The following LEF1 variants were observed in gnomAD, a reference collection of about 807,000 sequenced individuals.
The protein encoded by LEF1 is lymphoid enhancer-binding factor 1.
A neutral mutation model predicts 51.2 loss-of-function variants in LEF1; 14 were observed. That is an observed-to-expected ratio of 0.27 (90% CI 0.18 to 0.43). The LOEUF is 0.43. Among genes scored for constraint, LEF1 ranks in the 20% least tolerant of loss-of-function variants. LEF1 has a pLI of 1.00. For missense variants in LEF1, 386 were observed against 512.0 expected (o/e 0.75, Z 2.37); for synonymous variants, 185 against 183.2 (o/e 1.01, Z -0.08).
At chr4:108,162,210 C>A (rs1185464774) in intron 3 of LEF1, among the ~76,000 whole-genome samples, 1 of 152,134 alleles carries the variant, frequency 6.6e-6, no homozygotes, top group Non-Finnish European at 1.5e-5. Flanking sequence ...GCAACCATCA[C>A]AAGATCTCCC....
Position 108,083,327 on chromosome 4 carries a change from C to G in LEF1, c.638+29G>C, listed in dbSNP as rs766455025. 3.0e-5 allele frequency: 43 copies of G among 1,450,956 alleles called. No individual in the cohort carries two copies. In the East Asian group the frequency reaches 9.5e-4, roughly 32 times the overall value. 89.9% of individuals were successfully genotyped at this position (1,450,956 alleles called of 1,614,324 possible). On this transcript the variant is annotated intron_variant, in intron 5 of 11. Transcript: ENST00000265165. ...AGTGGAGGAACATGTGTTCAAATGC[C>G]TGGCTGAAGGGTGCAGCAAGGTTCT... is the stretch of plus-strand genomic sequence containing the variant.
At chr4:108,158,914 G>A (rs1001198714) in intron 3 of LEF1, among the ~76,000 whole-genome samples, 30 of 151,918 alleles carry the variant, frequency 2.0e-4, no homozygotes, top group Non-Finnish European at 3.7e-4. Context: ...ACCTGTATGG[G>A]AGTGGAAAAA....
chr4:108,117,778 C>T (rs373624135), intron 3 of LEF1, among the ~76,000 whole-genome samples: 7 of 152,162 alleles, frequency 4.6e-5, no homozygotes, highest in African/African-American at 1.2e-4. Flanking sequence ...ATGGGCAGCT[C>T]GCCAGCCTCT....
chr4:108,059,707 T>C (rs1253782328), intron 11 of LEF1, among the ~76,000 whole-genome samples: 1 of 151,930 alleles, frequency 6.6e-6, no homozygotes, highest in Non-Finnish European at 1.5e-5. Flanking sequence ...ACTGGTTTGT[T>C]TTTTGCGTTT....
chr4:108,058,065 G>A (rs1032150414), intron 11 of LEF1, among the ~76,000 whole-genome samples: 6 of 151,638 alleles, frequency 4.0e-5, no homozygotes, highest in South Asian at 2.1e-4. Context: ...AGTTAGAGAC[G>A]GGGTTTCACT....
chr4:108,135,942 A>G (rs1351906461), intron 3 of LEF1, among the ~76,000 whole-genome samples: 1 of 152,172 alleles, frequency 6.6e-6, no homozygotes, highest in East Asian at 1.9e-4. Flanking sequence ...AAACAGTATG[A>G]CTTCTTCCTT....
chr4:108,116,647 G>A (rs149836990), intron 3 of LEF1, among the ~76,000 whole-genome samples: 37 of 152,280 alleles, frequency 2.4e-4, no homozygotes, highest in Non-Finnish European at 5.0e-4. Flanking sequence ...TTTGCCCTGA[G>A]GGCTGTCAAG....
intron 8 of LEF1, among the ~76,000 whole-genome samples, chr4:108,077,302 G>C (rs56006176): frequency 2.0e-5 from 3 of 151,888 alleles, no homozygotes; most frequent in Admixed American, 6.6e-5. Context: ...AACTGACTGG[G>C]AAGTGAGGAA....
At chr4:108,107,812 T>A (rs1323492569) in intron 3 of LEF1, among the ~76,000 whole-genome samples, 1 of 151,850 alleles carries the variant, frequency 6.6e-6, no homozygotes, top group Non-Finnish European at 1.5e-5. Context: ...CTCACTGCCA[T>A]TTTCCCCGTT....
At chr4:108,133,424 ACTCTCCAG>A (rs1276109115) in intron 3 of LEF1, among the ~76,000 whole-genome samples, 1 of 152,092 alleles carries the variant, frequency 6.6e-6, no homozygotes. Context: ...AGGTGCCTGT[ACTCTCCAG>A]CATAGTGTCC....
intron 3 of LEF1, among the ~76,000 whole-genome samples, chr4:108,131,263 C>T (rs1416005835): frequency 1.3e-5 from 2 of 151,878 alleles, no homozygotes; most frequent in African/African-American, 4.8e-5. Context: ...AGCAAGGACC[C>T]GTTTCTATTT....
intron 3 of LEF1, among the ~76,000 whole-genome samples, chr4:108,154,443 C>CAAAAAAAAAAAA (rs10672899): frequency 2.8e-5 from 2 of 71,982 alleles, no homozygotes. Flanking sequence ...AAGGTAGTAG[C>CAAAAAAAAAAAA]AAAAAAAAAA....
intron 3 of LEF1, among the ~76,000 whole-genome samples, chr4:108,128,035 A>C (rs1343338032): frequency 6.6e-6 from 1 of 152,178 alleles, no homozygotes; most frequent in East Asian, 1.9e-4. Context: ...AATGGTATTC[A>C]CTGCATAATT....
intron 3 of LEF1, among the ~76,000 whole-genome samples, chr4:108,158,734 A>C (rs1236027657): frequency 6.6e-6 from 1 of 151,854 alleles, no homozygotes; most frequent in Non-Finnish European, 1.5e-5. Context: ...AAAAAAAAAA[A>C]CTCATCCGCT....
At chr4:108,093,342 C>A (rs1330721904) in intron 3 of LEF1, among the ~76,000 whole-genome samples, 2 of 152,150 alleles carry the variant, frequency 1.3e-5, no homozygotes, top group Non-Finnish European at 2.9e-5. Context: ...AAGTACCTCA[C>A]TTAATAGAAC....
intron 11 of LEF1, among the ~76,000 whole-genome samples, chr4:108,053,729 G>A (rs894609121): frequency 1.3e-5 from 2 of 152,200 alleles, no homozygotes. Context: ...AGACCTCCTG[G>A]TGCAGGTCAT....
At chr4:108,073,831 C>G (rs953537678) in intron 8 of LEF1, among the ~76,000 whole-genome samples, 2 of 150,940 alleles carry the variant, frequency 1.3e-5, no homozygotes, top group Non-Finnish European at 3.0e-5. Flanking sequence ...TAACCCCCCC[C>G]CCTTTTTTTT....
At chr4:108,093,121 G>A (rs1560784531) in intron 3 of LEF1, among the ~76,000 whole-genome samples, 2 of 152,050 alleles carry the variant, frequency 1.3e-5, no homozygotes, top group Non-Finnish European at 2.9e-5. Context: ...CAGACTGGAA[G>A]CCGAGAAACA....
At chr4:108,083,283 C>T in intron 5 of LEF1, 73 bp downstream of exon 5, 1 of 1,029,098 alleles carries the variant, frequency 9.7e-7, no homozygotes. Flanking sequence ...ATTCATAAAT[C>T]TAATTTCCAT....
Sources: allele counts gnomAD v4.1 joint callset (sites outside exome capture counted in the v4.1 genomes callset), GRCh38; gene constraint gnomAD v4.1.1; transcripts MANE v1.5; gene names NCBI Gene and HGNC (gene_info 2026-07-23, HGNC 2026-07-21).